The following ACSM3 variants were observed in gnomAD, a reference collection of about 807,000 sequenced individuals.
ACSM3 encodes the protein acyl-coenzyme A synthetase ACSM3, mitochondrial.
A neutral mutation model predicts 74.1 loss-of-function variants in ACSM3; 61 were observed. That is an observed-to-expected ratio of 0.82 (90% confidence interval 0.67 to 1.02). The LOEUF (loss-of-function observed/expected upper bound fraction) is 1.02, where lower values mean the gene tolerates loss of function less well. Among genes scored for constraint, ACSM3 ranks in the 50% least tolerant of loss-of-function variants. The probability of loss-of-function intolerance (pLI) is 0.00; values close to 1 mark genes in which losing one functional copy is unlikely to be tolerated. For missense variants in ACSM3, 660 were observed against 697.0 expected (o/e 0.95, Z 0.60); for synonymous variants, 213 against 241.5 (o/e 0.88, Z 1.09).
chr16:20,732,558 A>G (rs1596488120), intron 1 of ACSM3, among the ~76,000 whole-genome samples: 2 of 152,164 alleles, frequency 1.3e-5, no homozygotes, highest in Admixed American at 1.3e-4. Context: ...CTCTGCAAAG[A>G]CAAGAACTAA....
chr16:20,718,771 G>A (rs145472463), intron 1 of ACSM3, among the ~76,000 whole-genome samples: 2 of 152,154 alleles, frequency 1.3e-5, no homozygotes, highest in Non-Finnish European at 2.9e-5. Context: ...ACCCAGAAAG[G>A]CCTTCCTAAA....
intron 13 of ACSM3, 169 bp from the exon 14 acceptor site, chr16:20,796,717 G>A: frequency 1.3e-6 from 2 of 1,486,672 alleles, no homozygotes; most frequent in Non-Finnish European, 1.8e-6. Flanking sequence ...TTAATATCAA[G>A]ACAACTTTCC....
At chr16:20,748,158 AATAG>A (rs995856153) in intron 1 of ACSM3, among the ~76,000 whole-genome samples, 60 of 119,254 alleles carry the variant, frequency 5.0e-4, no homozygotes, top group Admixed American at 1.0e-3. Flanking sequence ...TAAATAAATA[AATAG>A]ATAGATAAAT....
chr16:20,774,308 C>A (rs927476252), intron 2 of ACSM3, among the ~76,000 whole-genome samples: 13 of 140,732 alleles, frequency 9.2e-5, no homozygotes, highest in African/African-American at 3.5e-4. Context: ...GTGGCACGAT[C>A]TCAGCTCACT....
At chr16:20,727,397 G>GA in intron 1 of ACSM3, 1 of 565,668 alleles carries the variant, frequency 1.8e-6, no homozygotes, top group Non-Finnish European at 3.4e-6. Flanking sequence ...CCCTCACCCC[G>GA]GAGGTGCTGG....
chr16:20,787,739 A>G (rs1486029286), intron 9 of ACSM3, among the ~76,000 whole-genome samples: 1 of 152,222 alleles, frequency 6.6e-6, no homozygotes. Context: ...TAGTGGTTCA[A>G]CTATATCTCT....
At chr16:20,707,511 C>T (rs2079731335) in intron 1 of ACSM3, among the ~76,000 whole-genome samples, 1 of 152,112 alleles carries the variant, frequency 6.6e-6, no homozygotes, top group South Asian at 2.1e-4. Context: ...GACCATCAGC[C>T]CAGTACCAGC....
At chr16:20,729,402 G>A in intron 1 of ACSM3, 2 of 1,037,282 alleles carry the variant, frequency 1.9e-6, no homozygotes, top group South Asian at 2.6e-5. Context: ...TGACAGGGGG[G>A]GAGCTCTCCT....
At position 20,796,392 on chromosome 16, in the gene ACSM3, TA is replaced by T; in HGVS notation, c.1580del (p.Asn527IlefsTer12). ...TAGGTAGTAAAGGCTTTTGTCGTTC[TA>T]AATCCTGATTACAAGTCACATGATC... ...RGEVVKAFVVLNPDYKSHDQE... is the reference protein window; with the variant it reads ...RGEVVKAFVVXNPDYKSHDQE... On this transcript the variant is annotated frameshift_variant, in exon 13 of 14. Coordinates refer to ENST00000289416, the MANE Select transcript of ACSM3 (RefSeq NM_005622.4). LOFTEE classifies it high-confidence loss of function. 6.2e-7 allele frequency: 1 copy of T among 1,612,380 alleles called. No individual in the cohort carries two copies. The highest frequency in any genetic ancestry group is 8.5e-7 in the Non-Finnish European group (1 of 1,179,652).
upstream of ACSM3, among the ~76,000 whole-genome samples, chr16:20,763,322 T>C (rs1444071654): frequency 6.6e-6 from 1 of 152,192 alleles, no homozygotes; most frequent in Admixed American, 6.5e-5. Context: ...AGTTATTTAA[T>C]AAGACACCTC....
intron 1 of ACSM3, chr16:20,681,186 C>T (rs2079439319): frequency 6.6e-6 from 1 of 152,118 alleles, no homozygotes; most frequent in African/African-American, 2.4e-5. Context: ...GAAATTATAA[C>T]CAATGAAACA....
In ACSM3 at chr16:20,771,408, G is replaced by A. The variant is rs182863161; in HGVS notation, c.219+1155G>A. Among the ~76,000 whole-genome samples, 476 of 143,860 alleles carry A rather than the reference G, an allele frequency of 3.3e-3. 1 individual carries two copies. The highest frequency in any genetic ancestry group is 0.011 in the Middle Eastern group (3 of 278). The allele number at this position is 143,860 out of a possible 152,430, so 94.4% of individuals were successfully genotyped here. The stretch of plus-strand genomic sequence containing the variant: ...TTTTTTTTTTTTTTTAAGAGACAGG[G>A]TCTTACTTTGTTGCCCAGGCTGAAG... On this transcript the variant is annotated intron_variant, in intron 2 of 13. Transcript: ENST00000289416.
At chr16:20,679,829 G>A (rs532395299) in intron 1 of ACSM3, 1 of 152,184 alleles carries the variant, frequency 6.6e-6, no homozygotes, top group East Asian at 1.9e-4. Context: ...TATGAATTCT[G>A]GTTTGAAATA....
chr16:20,783,876 C>T (rs2080409536), intron 7 of ACSM3, among the ~76,000 whole-genome samples: 1 of 151,208 alleles, frequency 6.6e-6, no homozygotes, highest in Non-Finnish European at 1.5e-5. Context: ...GGCACAATCT[C>T]GGCTCACTGC....
chr16:20,691,180 C>A (rs779601723), intron 1 of ACSM3: 16 of 1,585,980 alleles, frequency 1.0e-5, no homozygotes, highest in Admixed American at 7.5e-5. Flanking sequence ...ACCTCATTAG[C>A]CACTGCATGG....
intron 1 of ACSM3, chr16:20,738,308 T>G: frequency 3.1e-6 from 1 of 325,886 alleles, no homozygotes; most frequent in Non-Finnish European, 5.9e-6. Flanking sequence ...CACACTTTTT[T>G]ACAAAAAAAA....
intron 1 of ACSM3, among the ~76,000 whole-genome samples, chr16:20,712,831 T>G (rs544159127): frequency 8.6e-5 from 13 of 151,426 alleles, no homozygotes; most frequent in Non-Finnish European, 1.8e-4. Context: ...GAGAATCTCT[T>G]GAACCTGGGC....
At chr16:20,768,434 G>A (rs755838321) in intron 1 of ACSM3, among the ~76,000 whole-genome samples, 2 of 152,176 alleles carry the variant, frequency 1.3e-5, no homozygotes, top group South Asian at 2.1e-4. Context: ...TAGATCTAGA[G>A]TGGGGCCTGA....
chr16:20,744,148 A>T (rs1370625952), intron 1 of ACSM3, among the ~76,000 whole-genome samples: 1 of 152,220 alleles, frequency 6.6e-6, no homozygotes, highest in Non-Finnish European at 1.5e-5. Context: ...ATTAAAAAAA[A>T]TTCATCTGCT....
Sources: gnomAD v4.1 joint callset for allele counts (sites outside exome capture counted in the v4.1 genomes callset) on GRCh38, gnomAD v4.1.1 for gene constraint, MANE v1.5 for transcripts, NCBI Gene and HGNC (gene_info 2026-07-23, HGNC 2026-07-21) for gene names.